Variants in RAP1A observed in about 807,000 individuals in gnomAD.
RAP1A encodes the protein ras-related protein Rap-1A.
Under a neutral mutation model 26.4 loss-of-function variants are expected in RAP1A, and 6 were observed. The observed-to-expected ratio is 0.23, with a 90% CI of 0.12 to 0.45. The LOEUF (loss-of-function observed/expected upper bound fraction) is 0.45. Among genes scored for constraint, RAP1A ranks in the 20% least tolerant of loss-of-function variants. The pLI is 0.99. For missense variants in RAP1A, 121 were observed against 217.2 expected (o/e 0.56, Z 2.78); for synonymous variants, 73 against 79.4 (o/e 0.92, Z 0.43).
chr1:111,671,021 T>TG (rs1156880716), intron 1 of RAP1A, among the ~76,000 whole-genome samples: 4 of 152,258 alleles, frequency 2.6e-5, no homozygotes, highest in African/African-American at 9.6e-5. Context: ...CTAAAGATTG[T>TG]GGTAAAGATT....
chr1:111,608,296 G>T (rs6660669), intron 1 of RAP1A: 7 of 157,728 alleles, frequency 4.4e-5, no homozygotes, highest in Non-Finnish European at 9.8e-5. Context: ...CCACATCTCA[G>T]ACGATGGGCG....
chr1:111,686,853 A>G (rs960463521), intron 1 of RAP1A, among the ~76,000 whole-genome samples: 2 of 151,984 alleles, frequency 1.3e-5, no homozygotes, highest in African/African-American at 4.8e-5. Context: ...ATATTTTTAT[A>G]TCTATATATC....
chr1:111,662,429 C>G (rs1309981700), intron 1 of RAP1A, among the ~76,000 whole-genome samples: 1 of 148,952 alleles, frequency 6.7e-6, no homozygotes, highest in East Asian at 2.0e-4. Flanking sequence ...TTAACTTGAT[C>G]AGGGCTAAGA....
intron 1 of RAP1A, among the ~76,000 whole-genome samples, chr1:111,688,121 C>G (rs1279577313): frequency 6.7e-6 from 1 of 148,362 alleles, no homozygotes; most frequent in African/African-American, 2.5e-5. Context: ...TTCCTGCCCC[C>G]ACCAGGAGGA....
intron 1 of RAP1A, among the ~76,000 whole-genome samples, chr1:111,671,596 T>C (rs1660977159): frequency 6.6e-6 from 1 of 152,154 alleles, no homozygotes. Flanking sequence ...TGCCTCAGCC[T>C]CCCGGGTAGC....
rs75151656 is a variant in RAP1A at position 111,655,413 on chromosome 1, A to G, written c.-28+35479A>G. On this transcript the variant is annotated intron_variant, in intron 1 of 7. Transcript: ENST00000369709. ...ATAGGAACAAACTTTTTTTAAAGAT[A>G]AATGAAAAAGAATACGCATTCACAA... Among the ~76,000 whole-genome samples, 15 of 152,246 alleles carry G rather than the reference A, an allele frequency of 9.9e-5. No individual in the cohort carries two copies. The East Asian group carries it at 2.9e-3, about 29-fold the overall frequency.
intron 1 of RAP1A, among the ~76,000 whole-genome samples, chr1:111,669,798 GA>G (rs1660918927): frequency 6.6e-6 from 1 of 152,178 alleles, no homozygotes; most frequent in Non-Finnish European, 1.5e-5. Flanking sequence ...ACAAATTCAA[GA>G]AGTCAAATCC....
intron 1 of RAP1A, among the ~76,000 whole-genome samples, chr1:111,581,581 C>T (rs1658258617): frequency 6.6e-6 from 1 of 152,192 alleles, no homozygotes; most frequent in African/African-American, 2.4e-5. Flanking sequence ...GATTAGCTTC[C>T]ACCTGATATA....
Position 111,716,313 on chromosome 1 carries a change from G to A in RAP1A, c.*3912G>A, listed in dbSNP as rs1662540678. Reference sequence around the variant, plus strand: ...TTATGTTCCCCAAAATGTAAAAACTGTAAGTTATTCTTGAAAATGTAGTCC... The same window carrying A: ...TTATGTTCCCCAAAATGTAAAAACTATAAGTTATTCTTGAAAATGTAGTCC... On this transcript the variant is annotated 3_prime_UTR_variant, in exon 8 of 8. Transcript: ENST00000369709. 1 of 152,156 alleles carries A rather than the reference G, an allele frequency of 6.6e-6. No homozygotes were observed. The highest frequency in any genetic ancestry group is 2.1e-4 in the South Asian group (1 of 4,830). 9.4% of individuals were successfully genotyped at this position (152,156 alleles called of 1,614,324 possible). A position where few individuals can be genotyped will look rare whatever the true frequency, so the allele number is the denominator to read the frequency against.
intron 1 of RAP1A, among the ~76,000 whole-genome samples, chr1:111,603,858 T>C (rs1280865041): frequency 1.3e-5 from 2 of 152,240 alleles, no homozygotes; most frequent in South Asian, 2.1e-4. Flanking sequence ...CTGCCCAACT[T>C]TGACCCTGAA....
chr1:111,698,980 ATTC>A (rs1475661758), intron 4 of RAP1A, among the ~76,000 whole-genome samples: 1 of 151,320 alleles, frequency 6.6e-6, no homozygotes, highest in African/African-American at 2.4e-5. Flanking sequence ...GTGTACGGGC[ATTC>A]TTCTTTCTCT....
At chr1:111,647,289 A>T (rs1407782343) in intron 1 of RAP1A, among the ~76,000 whole-genome samples, 1 of 152,202 alleles carries the variant, frequency 6.6e-6, no homozygotes, top group Non-Finnish European at 1.5e-5. Flanking sequence ...TCACCCCCAG[A>T]TGGGACTGTC....
chr1:111,655,072 T>C (rs957917552), intron 1 of RAP1A, among the ~76,000 whole-genome samples: 4 of 151,932 alleles, frequency 2.6e-5, no homozygotes, highest in East Asian at 3.9e-4. Context: ...CAAGTAGTTA[T>C]AGCAAAAGAG....
rs755215660 is a variant in RAP1A, at chr1:111,704,300, AT to A, written c.325-42del. 257 of 1,594,666 alleles carry A rather than the reference AT, an allele frequency of 1.6e-4. 1 individual carries two copies. Among genetic ancestry groups the A allele is most frequent in the Non-Finnish European group, 6.9e-5 (81 of 1,166,718 alleles). ...ATTTATTTTTTTAAAAGGCTAAGTA[AT>A]GAGTATGTTATTGTTCATTTTACGT... On this transcript the variant is annotated intron_variant, in intron 5 of 7. Coordinates refer to ENST00000369709, the MANE Select transcript of RAP1A (RefSeq NM_002884.4).
chr1:111,569,674 A>G (rs1658008838), intron 1 of RAP1A, among the ~76,000 whole-genome samples: 1 of 152,066 alleles, frequency 6.6e-6, no homozygotes, highest in Admixed American at 6.6e-5. Flanking sequence ...CAAAGACTTC[A>G]TGAATGTCTC....
chr1:111,605,361 C>CA (rs1339319780), intron 1 of RAP1A, among the ~76,000 whole-genome samples: 8 of 152,148 alleles, frequency 5.3e-5, no homozygotes, highest in Admixed American at 1.3e-4. Flanking sequence ...CTAATGGTCT[C>CA]AAAAAATATT....
intron 1 of RAP1A, among the ~76,000 whole-genome samples, chr1:111,642,864 G>A (rs976367070): frequency 1.3e-5 from 2 of 149,624 alleles, no homozygotes; most frequent in Non-Finnish European, 3.0e-5. Context: ...CTCACTCCTG[G>A]GTTCAGGTGA....
chr1:111,555,373 A>AAT (rs1329019120), intron 1 of RAP1A, among the ~76,000 whole-genome samples: 11 of 150,500 alleles, frequency 7.3e-5, no homozygotes, highest in African/African-American at 2.4e-4. Flanking sequence ...AAAAAAAAAA[A>AAT]AAAAAAAAAA....
intron 1 of RAP1A, among the ~76,000 whole-genome samples, chr1:111,609,833 C>T (rs1431074474): frequency 6.6e-6 from 1 of 152,018 alleles, no homozygotes; most frequent in Non-Finnish European, 1.5e-5. Context: ...ATGGGTTTCA[C>T]CTTGTTGGCC....
Sources: gnomAD v4.1 joint callset for allele counts (sites outside exome capture counted in the v4.1 genomes callset) on GRCh38, gnomAD v4.1.1 for gene constraint, MANE v1.5 for transcripts, NCBI Gene and HGNC (gene_info 2026-07-23, HGNC 2026-07-21) for gene names.